The following ST6GALNAC3 variants were observed in gnomAD, a reference collection of about 807,000 sequenced individuals.
ST6GALNAC3 encodes ST6 N-acetylgalactosaminide alpha-2,6-sialyltransferase 3.
In ST6GALNAC3, 25 loss-of-function variants were observed where a neutral mutation model predicts 32.7. The ratio of observed to expected loss-of-function variants is 0.76; its 90% CI spans 0.56 to 1.07. The LOEUF (loss-of-function observed/expected upper bound fraction) is 1.07. Ranked by LOEUF, ST6GALNAC3 falls within the 50% of genes least tolerant of loss-of-function variation. The pLI, the probability that ST6GALNAC3 is intolerant of heterozygous loss-of-function variation, is 0.00. For synonymous variants in ST6GALNAC3, 129 were observed against 133.1 expected, an observed-to-expected ratio of 0.97 and a Z score of 0.21; for missense variants, 355 against 382.4, an observed-to-expected ratio of 0.93 and a Z score of 0.60.
intron 1 of ST6GALNAC3, among the ~76,000 whole-genome samples, chr1:76,302,974 A>C (rs548348548): frequency 1.3e-5 from 2 of 152,076 alleles, no homozygotes; most frequent in African/African-American, 4.8e-5. Context: ...TACCCCCTAG[A>C]GGTTTCCCAT....
At chr1:76,614,712 C>A (rs1648167963) in intron 3 of ST6GALNAC3, among the ~76,000 whole-genome samples, 1 of 93,766 alleles carries the variant, frequency 1.1e-5, no homozygotes, top group Admixed American at 1.7e-4. Flanking sequence ...GAGCGAGACT[C>A]CATCTCAAAA....
chr1:76,437,339 A>C (rs1356575667), intron 3 of ST6GALNAC3, among the ~76,000 whole-genome samples: 1 of 152,106 alleles, frequency 6.6e-6, no homozygotes, highest in African/African-American at 2.4e-5. Flanking sequence ...ATGGAAACAC[A>C]GGGTTCTCAA....
Position 76,121,322 on chromosome 1 carries a change from C to T in ST6GALNAC3, c.18+46438C>T, listed in dbSNP as rs137927161. 5.5e-3 allele frequency among the ~76,000 whole-genome samples: 834 copies of T among 152,292 alleles called. 6 individuals carry two copies. The highest frequency in any genetic ancestry group is 0.019 in the African/African-American group (790 of 41,552). ...TCCACCACCACCACCTTACCTGCCA[C>T]CCTCACTCACCTGGGCTATTTAAGC... On this transcript the variant is annotated intron_variant, in intron 1 of 4. Coordinates refer to ENST00000328299, the MANE Select transcript of ST6GALNAC3 (RefSeq NM_152996.4).
chr1:76,163,232 G>A (rs539511821), intron 1 of ST6GALNAC3, among the ~76,000 whole-genome samples: 2 of 152,276 alleles, frequency 1.3e-5, no homozygotes, highest in South Asian at 4.1e-4. Context: ...AGTTGTTCTT[G>A]AAGTTTTATG....
At chr1:76,391,520 AGACC>A (rs1223180376) in intron 2 of ST6GALNAC3, among the ~76,000 whole-genome samples, 3 of 141,360 alleles carry the variant, frequency 2.1e-5, no homozygotes, top group Non-Finnish European at 3.1e-5. Flanking sequence ...CCATTAGGAA[AGACC>A]TTCCTTCCTT....
chr1:76,081,970 G>A (rs559194124), intron 1 of ST6GALNAC3, among the ~76,000 whole-genome samples: 1 of 152,170 alleles, frequency 6.6e-6, no homozygotes, highest in African/African-American at 2.4e-5. Flanking sequence ...GGCAAAAAAC[G>A]TTATTAGTAT....
intron 3 of ST6GALNAC3, among the ~76,000 whole-genome samples, chr1:76,473,880 G>C (rs547479481): frequency 6.6e-6 from 1 of 152,184 alleles, no homozygotes; most frequent in South Asian, 2.1e-4. Context: ...TGTGACTTCT[G>C]TGCCTAAACC....
At chr1:76,144,428 C>A (rs923457547) in intron 1 of ST6GALNAC3, among the ~76,000 whole-genome samples, 1 of 152,204 alleles carries the variant, frequency 6.6e-6, no homozygotes, top group African/African-American at 2.4e-5. Flanking sequence ...TAGTGCCTGG[C>A]CTCTAGTTGA....
intron 1 of ST6GALNAC3, among the ~76,000 whole-genome samples, chr1:76,264,213 G>C (rs1301237147): frequency 6.6e-6 from 1 of 152,218 alleles, no homozygotes; most frequent in East Asian, 1.9e-4. Flanking sequence ...TGTTAGGAGG[G>C]AGTTGGGGTT....
intron 3 of ST6GALNAC3, among the ~76,000 whole-genome samples, chr1:76,517,043 A>G (rs1369827143): frequency 6.6e-6 from 1 of 151,868 alleles, no homozygotes; most frequent in Admixed American, 6.6e-5. Flanking sequence ...ATTCCAATTA[A>G]TTATGGCATA....
At chr1:76,615,933 T>C (rs1205090630) in intron 3 of ST6GALNAC3, among the ~76,000 whole-genome samples, 1 of 152,102 alleles carries the variant, frequency 6.6e-6, no homozygotes, top group African/African-American at 2.4e-5. Context: ...TTAAAAGTGT[T>C]GGAATGTATC....
At chr1:76,267,073 C>G (rs188318628) in intron 1 of ST6GALNAC3, among the ~76,000 whole-genome samples, 44 of 152,340 alleles carry the variant, frequency 2.9e-4, no homozygotes. Flanking sequence ...CCCACTTTCT[C>G]AGGAGTATCC....
intron 2 of ST6GALNAC3, among the ~76,000 whole-genome samples, chr1:76,409,558 G>A (rs1214106413): frequency 1.3e-5 from 2 of 151,900 alleles, no homozygotes; most frequent in Non-Finnish European, 2.9e-5. Flanking sequence ...ACAGATAATA[G>A]CTAAATGCCC....
chr1:76,214,521 T>C (rs1473726030), intron 1 of ST6GALNAC3, among the ~76,000 whole-genome samples: 1 of 152,174 alleles, frequency 6.6e-6, no homozygotes, highest in Admixed American at 6.5e-5. Flanking sequence ...GAGTACACAT[T>C]AAGGGAAGCT....
At chr1:76,423,119 T>C (rs567788895) in intron 3 of ST6GALNAC3, among the ~76,000 whole-genome samples, 1 of 152,168 alleles carries the variant, frequency 6.6e-6, no homozygotes, top group South Asian at 2.1e-4. Context: ...CCTGACAGTG[T>C]ATGAGTTAGT....
chr1:76,419,878 A>T (rs957729636), intron 3 of ST6GALNAC3, among the ~76,000 whole-genome samples: 9 of 151,356 alleles, frequency 5.9e-5, no homozygotes, highest in African/African-American at 1.7e-4. Context: ...TTACTGACCT[A>T]CATGGACTCC....
At chr1:76,462,543 A>C (rs536480136) in intron 3 of ST6GALNAC3, among the ~76,000 whole-genome samples, 1 of 152,066 alleles carries the variant, frequency 6.6e-6, no homozygotes, top group Non-Finnish European at 1.5e-5. Flanking sequence ...TTTTAAATGA[A>C]GAGACTAGAA....
At chr1:76,255,660 C>T (rs1330768047) in intron 1 of ST6GALNAC3, among the ~76,000 whole-genome samples, 1 of 152,110 alleles carries the variant, frequency 6.6e-6, no homozygotes, top group African/African-American at 2.4e-5. Flanking sequence ...CTATATGTTT[C>T]ACTACTTTGT....
At chr1:76,097,066 G>A (rs1217537160) in intron 1 of ST6GALNAC3, among the ~76,000 whole-genome samples, 1 of 152,036 alleles carries the variant, frequency 6.6e-6, no homozygotes, top group Non-Finnish European at 1.5e-5. Context: ...CTACAGGCAT[G>A]TGCCACCACG....
Sources: allele counts gnomAD v4.1 joint callset (sites outside exome capture counted in the v4.1 genomes callset), GRCh38; gene constraint gnomAD v4.1.1; transcripts MANE v1.5; gene names NCBI Gene and HGNC (gene_info 2026-07-23, HGNC 2026-07-21).